The following ANK2 variants were observed in gnomAD, a reference collection of about 807,000 sequenced individuals.
ANK2 encodes ankyrin-2.
In ANK2, 83 loss-of-function variants were observed where a neutral mutation model predicts 360.5. The ratio of observed to expected loss-of-function variants is 0.23; its 90% CI spans 0.19 to 0.28. The LOEUF is 0.28. Ranked by LOEUF, ANK2 falls within the 10% of genes least tolerant of loss-of-function variation. ANK2 has a pLI of 1.00. For synonymous variants in ANK2, 1,740 were observed against 1,759.5 expected (o/e 0.99, Z 0.28); for missense variants, 4,201 against 4,795.7 (o/e 0.88, Z 3.66).
chr4:113,288,696 A>T (rs568703933), intron 20 of ANK2, among the ~76,000 whole-genome samples: 1 of 152,190 alleles, frequency 6.6e-6, no homozygotes, highest in Non-Finnish European at 1.5e-5. Context: ...AACTACTTCT[A>T]TTATAAAGTT....
Position 112,846,785 on chromosome 4 carries a change from A to C in ANK2, c.-40+28521A>C, listed in dbSNP as rs530288488. On this transcript the variant is annotated intron_variant, in intron 1 of 30. Coordinates refer to the ANK2 transcript ENST00000503271. ...AGAGTGAGGCTAAGCTGCTGTAACA[A>C]AGAGGTAGATGGGTCGTTTTGCCCA... Among the ~76,000 whole-genome samples, 4 of 152,272 alleles carry C rather than the reference A, an allele frequency of 2.6e-5. No individual in the cohort carries two copies. In the East Asian group the frequency reaches 7.7e-4, roughly 29 times the overall value.
intron 1 of ANK2, among the ~76,000 whole-genome samples, chr4:112,828,168 G>A (rs1202663427): frequency 6.6e-6 from 1 of 150,458 alleles, no homozygotes; most frequent in Non-Finnish European, 1.5e-5. Context: ...GCCATATGCA[G>A]AAGATTGAAA....
intron 38 of ANK2, among the ~76,000 whole-genome samples, chr4:113,359,982 G>A (rs566353649): frequency 6.6e-6 from 1 of 152,254 alleles, no homozygotes; most frequent in South Asian, 2.1e-4. Flanking sequence ...ACTGTGAGGG[G>A]ATGATGGCTC....
intron 1 of ANK2, among the ~76,000 whole-genome samples, chr4:112,878,624 C>T (rs1390593340): frequency 6.6e-6 from 1 of 152,108 alleles, no homozygotes; most frequent in Non-Finnish European, 1.5e-5. Context: ...CTGTGCCCAG[C>T]CCTGACTCTT....
the ANK2 span, among the ~76,000 whole-genome samples, chr4:112,731,139 A>G: frequency 4.9e-5 from 6 of 122,076 alleles, no homozygotes. Context: ...GACTCTGTCT[A>G]AAAAAAAAAG....
At chr4:113,014,138 AT>A (rs2055719990) in intron 2 of ANK2, among the ~76,000 whole-genome samples, 1 of 152,162 alleles carries the variant, frequency 6.6e-6, no homozygotes, top group Non-Finnish European at 1.5e-5. Flanking sequence ...GTTGCATGTT[AT>A]TTTATGGAGA....
chr4:113,375,737 G>GA (rs1381936912), intron 45 of ANK2, among the ~76,000 whole-genome samples: 1 of 147,658 alleles, frequency 6.8e-6, no homozygotes, highest in Non-Finnish European at 1.5e-5. Flanking sequence ...AAAAAAAAAA[G>GA]AAAAAAAAGA....
At chr4:113,236,892 T>A in intron 5 of ANK2, 95 bp from the exon 6 acceptor site, 2 of 1,272,502 alleles carry the variant, frequency 1.6e-6, no homozygotes, top group South Asian at 1.2e-5. Context: ...TGGTTGTCAA[T>A]CTTGATCATT....
intron 1 of ANK2, among the ~76,000 whole-genome samples, chr4:113,109,845 T>C (rs2094099365): frequency 6.6e-6 from 1 of 152,158 alleles, no homozygotes; most frequent in African/African-American, 2.4e-5. Context: ...TTCATACAGG[T>C]GCTTAGTGTT....
At chr4:113,026,117 C>T (rs1448662433) in intron 2 of ANK2, among the ~76,000 whole-genome samples, 3 of 152,040 alleles carry the variant, frequency 2.0e-5, no homozygotes, top group South Asian at 4.2e-4. Context: ...ACACAAATGC[C>T]GTAATACGTG....
At chr4:112,776,040 G>A in the ANK2 span, among the ~76,000 whole-genome samples, 6 of 152,168 alleles carry the variant, frequency 3.9e-5, no homozygotes, top group Non-Finnish European at 5.9e-5. Context: ...GTTCTGAGAA[G>A]CGCCAGCCTA....
At chr4:113,262,287 C>A (rs1332574527) in intron 13 of ANK2, among the ~76,000 whole-genome samples, 2 of 152,096 alleles carry the variant, frequency 1.3e-5, no homozygotes, top group African/African-American at 4.8e-5. Flanking sequence ...ATACAGTGGG[C>A]AAGATTATGG....
At chr4:112,782,801 G>A in the ANK2 span, among the ~76,000 whole-genome samples, 1 of 151,824 alleles carries the variant, frequency 6.6e-6, no homozygotes, top group Admixed American at 6.6e-5. Context: ...TCTGGGAGGT[G>A]GAGGTTGCAG....
Position 113,353,255 on chromosome 4 carries a change from G to T in ANK2, c.4637G>T (p.Gly1546Val), listed in dbSNP as rs2095530258. 2.5e-6 allele frequency: 4 copies of T among 1,613,878 alleles called. No homozygotes were observed. In the South Asian group the frequency reaches 4.4e-5, roughly 18 times the overall value. The change falls in exon 38 of 46, where the codon GGA becomes GTA. Residue 1546 changes from glycine to valine, a missense_variant. By Grantham distance (109) the Gly-to-Val change is moderately radical (BLOSUM62 -3). Coordinates refer to ENST00000357077, the MANE Select transcript of ANK2 (RefSeq NM_001148.6). ...ELVKAAEEEP[G>V]EPFEIVERVK... ...GTGAAGGCTGCTGAGGAAGAGCCAG[G>T]AGAGCCTTTTGAAATCGTTGAAAGA...
intron 22 of ANK2, among the ~76,000 whole-genome samples, chr4:113,296,842 G>T (rs184683905): frequency 6.6e-6 from 1 of 152,138 alleles, no homozygotes; most frequent in East Asian, 1.9e-4. Context: ...TCATCCTTCC[G>T]CTAATTGATC....
rs184837418 is a variant in ANK2 at position 112,923,201 on chromosome 4, T to C, written c.21+18687T>C. ...AGCACTAAACTAGACATCAGTGAAA[T>C]TAAATACATTTATATTCCAATACTT... is the stretch of plus-strand genomic sequence containing the variant. On this transcript the variant is annotated intron_variant, in intron 2 of 30. Coordinates refer to the ANK2 transcript ENST00000503271. Among the ~76,000 whole-genome samples, 129 of 152,298 alleles carry C rather than the reference T, an allele frequency of 8.5e-4. 1 individual carries two copies. Among genetic ancestry groups the C allele is most frequent in the African/African-American group, 3.0e-3 (123 of 41,564 alleles).
chr4:113,349,848 C>G (rs1014460468), intron 36 of ANK2, among the ~76,000 whole-genome samples: 3 of 152,106 alleles, frequency 2.0e-5, no homozygotes, highest in Non-Finnish European at 4.4e-5. Context: ...ACACATCACC[C>G]TAGTGTTGCT....
chr4:113,149,392 A>G lies in ANK2; in HGVS notation c.85-25024A>G, dbSNP rs372554585. On this transcript the variant is annotated intron_variant, in intron 1 of 45. Coordinates refer to ENST00000357077, the MANE Select transcript of ANK2 (RefSeq NM_001148.6). ...TCAGTTTTGAACTCTAAAAGAATAT[A>G]AATTAGTTTAAATGGTATAGTATTG... Among the ~76,000 whole-genome samples the G allele has an allele frequency of 2.0e-4, 31 of 152,262 alleles. 1 individual carries two copies. The highest frequency in any genetic ancestry group is 1.2e-3 in the East Asian group (6 of 5,170).
chr4:113,264,048 A>G (rs2054541859), intron 13 of ANK2, among the ~76,000 whole-genome samples: 1 of 152,202 alleles, frequency 6.6e-6, no homozygotes, highest in African/African-American at 2.4e-5. Context: ...GCCTACCTCA[A>G]CAGATGACAC....
Sources: gnomAD v4.1 joint callset for allele counts (sites outside exome capture counted in the v4.1 genomes callset) on GRCh38, gnomAD v4.1.1 for gene constraint, MANE v1.5 for transcripts, NCBI Gene and HGNC (gene_info 2026-07-23, HGNC 2026-07-21) for gene names.